Variants in NKAIN2 observed in about 807,000 individuals in gnomAD.
The protein encoded by NKAIN2 is sodium/potassium transporting ATPase interacting 2, also known as sodium/potassium-transporting ATPase subunit beta-1-interacting protein 2.
Under a neutral mutation model 32.6 loss-of-function variants are expected in NKAIN2, and 14 were observed. That is an observed-to-expected ratio of 0.43 (90% CI 0.28 to 0.67). The LOEUF is 0.67. Among genes scored for constraint, NKAIN2 ranks in the 30% least tolerant of loss-of-function variants. The pLI is 0.17. For missense variants in NKAIN2, 198 were observed against 258.3 expected (o/e 0.77, Z 1.60); for synonymous variants, 80 against 87.2 (o/e 0.92, Z 0.46).
Position 123,986,187 on chromosome 6 carries a change from C to G in NKAIN2, c.54+181933C>G, listed in dbSNP as rs191969762. ...GGGGCTAGAATTATAAAGTTGAAGT[C>G]TAATACAACAGAGTAGCATTATATA... On this transcript the variant is annotated intron_variant, in intron 1 of 6. Coordinates refer to ENST00000368417, the MANE Select transcript of NKAIN2 (RefSeq NM_001040214.3). Among the ~76,000 whole-genome samples, 4 of 152,124 alleles carry G rather than the reference C, an allele frequency of 2.6e-5. No individual in the cohort carries two copies. In the East Asian group the frequency reaches 7.7e-4, roughly 29 times the overall value.
chr6:123,967,407 A>T (rs904686970), intron 1 of NKAIN2, among the ~76,000 whole-genome samples: 1 of 152,224 alleles, frequency 6.6e-6, no homozygotes, highest in African/African-American at 2.4e-5. Flanking sequence ...GCCAGCTAAT[A>T]ATGTGCTGAG....
chr6:123,848,545 A>C (rs956514983), intron 1 of NKAIN2, among the ~76,000 whole-genome samples: 2 of 152,198 alleles, frequency 1.3e-5, no homozygotes, highest in African/African-American at 4.8e-5. Context: ...CATGTGAAGA[A>C]GGAGATGTTT....
chr6:123,911,409 G>A (rs1272176436), intron 1 of NKAIN2, among the ~76,000 whole-genome samples: 1 of 151,974 alleles, frequency 6.6e-6, no homozygotes, highest in African/African-American at 2.4e-5. Flanking sequence ...GAGAGGAGGA[G>A]GTGCCAGACT....
intron 1 of NKAIN2, among the ~76,000 whole-genome samples, chr6:123,853,796 G>C (rs1775449430): frequency 6.8e-6 from 1 of 146,960 alleles, no homozygotes; most frequent in Non-Finnish European, 1.5e-5. Flanking sequence ...TTTTGAGATA[G>C]AATTTCACTC....
At chr6:124,714,160 C>T (rs1254108543) in intron 4 of NKAIN2, among the ~76,000 whole-genome samples, 1 of 152,182 alleles carries the variant, frequency 6.6e-6, no homozygotes, top group African/African-American at 2.4e-5. Context: ...GCTCTAACTT[C>T]CAGAGATTCG....
At chr6:124,581,625 A>G (rs1346044155) in intron 3 of NKAIN2, among the ~76,000 whole-genome samples, 1 of 152,176 alleles carries the variant, frequency 6.6e-6, no homozygotes, top group East Asian at 1.9e-4. Context: ...AAAATCTTAA[A>G]AATGTCAAAA....
intron 1 of NKAIN2, among the ~76,000 whole-genome samples, chr6:123,931,017 A>T (rs1411675462): frequency 6.6e-6 from 1 of 151,860 alleles, no homozygotes; most frequent in Non-Finnish European, 1.5e-5. Flanking sequence ...CCTGCGATGA[A>T]GGCGGGGCAG....
At chr6:124,543,990 A>G (rs1208508924) in intron 3 of NKAIN2, among the ~76,000 whole-genome samples, 2 of 152,224 alleles carry the variant, frequency 1.3e-5, no homozygotes, top group Non-Finnish European at 2.9e-5. Context: ...TTGTTCATCA[A>G]GGAGCAGATG....
At chr6:124,410,835 T>C (rs1774134564) in intron 3 of NKAIN2, among the ~76,000 whole-genome samples, 1 of 152,186 alleles carries the variant, frequency 6.6e-6, no homozygotes, top group Non-Finnish European at 1.5e-5. Flanking sequence ...TCTAAGTTTC[T>C]TTGTAGTCAC....
chr6:124,158,753 C>G (rs571149316), intron 1 of NKAIN2, among the ~76,000 whole-genome samples: 1 of 152,316 alleles, frequency 6.6e-6, no homozygotes, highest in African/African-American at 2.4e-5. Context: ...AACTTAATTT[C>G]ACTCTGCATT....
At chr6:124,428,843 C>T (rs1775087760) in intron 3 of NKAIN2, among the ~76,000 whole-genome samples, 1 of 151,920 alleles carries the variant, frequency 6.6e-6, no homozygotes, top group African/African-American at 2.4e-5. Flanking sequence ...ATGTGTGTGC[C>T]CGTGTGCTGA....
intron 1 of NKAIN2, among the ~76,000 whole-genome samples, chr6:124,074,823 C>T (rs75972144): frequency 0.066 from 10,010 of 152,188 alleles, 422 homozygotes; most frequent in African/African-American, 0.11. Context: ...ATACGGAATA[C>T]GCATATTCCT....
At chr6:123,979,885 T>C (rs1021025148) in intron 1 of NKAIN2, among the ~76,000 whole-genome samples, 4 of 151,892 alleles carry the variant, frequency 2.6e-5, no homozygotes, top group Non-Finnish European at 4.4e-5. Context: ...CCTTGTTTTT[T>C]TCTCTCTCTC....
At chr6:123,942,617 T>G (rs113923739) in intron 1 of NKAIN2, among the ~76,000 whole-genome samples, 167 of 152,104 alleles carry the variant, frequency 1.1e-3, no homozygotes, top group African/African-American at 3.9e-3. Context: ...ATGCTGCAGG[T>G]GGAATGCGAG....
Position 124,099,578 on chromosome 6 carries a change from G to T in NKAIN2, c.55-183427G>T, listed in dbSNP as rs549307032. ...TCAAATTCTTCTTGCTCAATAAATG[G>T]CTGTATTAAAGAAATGCCATTGAAA... On this transcript the variant is annotated intron_variant, in intron 1 of 6. Transcript: ENST00000368417. Among the ~76,000 whole-genome samples the T allele has an allele frequency of 7.2e-4, 110 of 152,204 alleles. 1 individual carries two copies. Among genetic ancestry groups the T allele is most frequent in the African/African-American group, 2.6e-3 (108 of 41,518 alleles).
intron 3 of NKAIN2, among the ~76,000 whole-genome samples, chr6:124,450,329 A>G (rs1192726849): frequency 2.0e-5 from 3 of 152,040 alleles, no homozygotes; most frequent in Non-Finnish European, 4.4e-5. Context: ...GTGTACATGT[A>G]TCTATATTTA....
At chr6:124,489,753 G>A (rs1272374444) in intron 3 of NKAIN2, among the ~76,000 whole-genome samples, 1 of 151,734 alleles carries the variant, frequency 6.6e-6, no homozygotes, top group African/African-American at 2.4e-5. Context: ...ATAGTAAGTT[G>A]GAGTCCACTT....
At chr6:124,489,549 A>G (rs1439365682) in intron 3 of NKAIN2, among the ~76,000 whole-genome samples, 2 of 151,874 alleles carry the variant, frequency 1.3e-5, no homozygotes, top group African/African-American at 4.8e-5. Flanking sequence ...AAACACTTAT[A>G]TCAGCCTACA....
intron 6 of NKAIN2, among the ~76,000 whole-genome samples, chr6:124,820,725 T>C (rs1233152074): frequency 6.6e-6 from 1 of 152,154 alleles, no homozygotes; most frequent in Non-Finnish European, 1.5e-5. Flanking sequence ...CTGCCTAAGC[T>C]CTGCCTCCTG....
Sources: gnomAD v4.1 joint callset for allele counts (sites outside exome capture counted in the v4.1 genomes callset) on GRCh38, gnomAD v4.1.1 for gene constraint, MANE v1.5 for transcripts, NCBI Gene and HGNC (gene_info 2026-07-23, HGNC 2026-07-21) for gene names.